The following ERBB4 variants were observed in gnomAD, a reference collection of about 807,000 sequenced individuals.
ERBB4 encodes the protein receptor tyrosine-protein kinase erbB-4.
ERBB4 carries 42 observed loss-of-function variants against 158.0 expected under a neutral mutation model. The ratio of observed to expected loss-of-function variants is 0.27; its 90% CI spans 0.21 to 0.34. The LOEUF (loss-of-function observed/expected upper bound fraction) is 0.34. Ranked by LOEUF, ERBB4 falls within the 10% of genes least tolerant of loss-of-function variation. ERBB4 has a pLI of 1.00. For missense variants in ERBB4, 1,333 were observed against 1,624.1 expected, an observed-to-expected ratio of 0.82 and a Z score of 3.08; for synonymous variants, 583 against 558.7, an observed-to-expected ratio of 1.04 and a Z score of -0.61.
chr2:211,998,193 A>T (rs925995162), intron 2 of ERBB4, among the ~76,000 whole-genome samples: 3 of 152,024 alleles, frequency 2.0e-5, no homozygotes, highest in Admixed American at 6.6e-5. Context: ...TAATAAAAAA[A>T]ATGAAACCAC....
At chr2:212,050,498 C>T (rs1424798422) in intron 2 of ERBB4, among the ~76,000 whole-genome samples, 1 of 152,106 alleles carries the variant, frequency 6.6e-6, no homozygotes, top group Non-Finnish European at 1.5e-5. Context: ...TTCTCCTCTT[C>T]CTCTTATTTA....
intron 2 of ERBB4, among the ~76,000 whole-genome samples, chr2:212,070,886 A>G (rs1182150937): frequency 6.6e-6 from 1 of 151,946 alleles, no homozygotes; most frequent in Non-Finnish European, 1.5e-5. Context: ...TAATGTAAGC[A>G]TATCTGAAAT....
At chr2:211,476,727 T>C (rs1420625471) in intron 20 of ERBB4, among the ~76,000 whole-genome samples, 3 of 152,044 alleles carry the variant, frequency 2.0e-5, no homozygotes, top group Non-Finnish European at 4.4e-5. Context: ...ACTATAAACT[T>C]GTTTTGCAAA....
intron 1 of ERBB4, among the ~76,000 whole-genome samples, chr2:212,164,086 G>A (rs989633128): frequency 6.6e-6 from 1 of 152,006 alleles, no homozygotes; most frequent in East Asian, 1.9e-4. Flanking sequence ...ATAGGTGTGA[G>A]CCATCTTGCC....
At chr2:211,730,074 A>T (rs1236554239) in intron 5 of ERBB4, among the ~76,000 whole-genome samples, 1 of 151,966 alleles carries the variant, frequency 6.6e-6, no homozygotes, top group Non-Finnish European at 1.5e-5. Context: ...AATACTACTG[A>T]GAGAATGTCT....
chr2:212,425,768 T>C (rs1574896574), intron 1 of ERBB4, among the ~76,000 whole-genome samples: 2 of 151,976 alleles, frequency 1.3e-5, no homozygotes, highest in South Asian at 2.1e-4. Flanking sequence ...TTTAAATCAC[T>C]GTCCTTGCTT....
In ERBB4 at chr2:212,384,242, T is replaced by C. The variant is rs1017462771; in HGVS notation, c.82+154207A>G. ...AGAACAATTTAAGGACAGATTGAGT[T>C]ACAGTATTATTGTAACACCTCATCA... On this transcript the variant is annotated intron_variant, in intron 1 of 27. Coordinates refer to ENST00000342788, the MANE Select transcript of ERBB4 (RefSeq NM_005235.3). Among the ~76,000 whole-genome samples the C allele has an allele frequency of 2.0e-5, 3 of 151,672 alleles. No homozygotes were observed. The East Asian group carries it at 5.8e-4, about 29-fold the overall frequency.
At chr2:211,917,793 G>T (rs2079741270) in intron 3 of ERBB4, among the ~76,000 whole-genome samples, 1 of 152,174 alleles carries the variant, frequency 6.6e-6, no homozygotes, top group Admixed American at 6.5e-5. Flanking sequence ...GCACTGATGG[G>T]TTTTGCCTGA....
At chr2:212,456,973 T>C (rs929826790) in intron 1 of ERBB4, among the ~76,000 whole-genome samples, 1 of 151,998 alleles carries the variant, frequency 6.6e-6, no homozygotes, top group Non-Finnish European at 1.5e-5. Flanking sequence ...CCCCAAAGTC[T>C]GCACAGCTCA....
intron 1 of ERBB4, among the ~76,000 whole-genome samples, chr2:212,455,972 T>C (rs1448560528): frequency 2.0e-5 from 3 of 152,118 alleles, no homozygotes; most frequent in African/African-American, 7.2e-5. Flanking sequence ...TAATGGCTTC[T>C]TCCCCCAGCT....
intron 2 of ERBB4, among the ~76,000 whole-genome samples, chr2:212,025,414 A>T (rs965154842): frequency 6.6e-6 from 1 of 151,826 alleles, no homozygotes. Flanking sequence ...ATTCATATTT[A>T]TGATGGAATT....
chr2:211,544,369 A>C (rs1344058969), intron 20 of ERBB4, among the ~76,000 whole-genome samples: 4 of 152,052 alleles, frequency 2.6e-5, no homozygotes, highest in Admixed American at 2.6e-4. Flanking sequence ...TAAGGCAAAA[A>C]ATCAATTAGG....
intron 1 of ERBB4, among the ~76,000 whole-genome samples, chr2:212,240,430 A>G (rs1345058684): frequency 1.3e-5 from 2 of 151,992 alleles, no homozygotes; most frequent in African/African-American, 4.8e-5. Flanking sequence ...GCGTATCACG[A>G]GACCAGCCTG....
chr2:212,175,247 G>T (rs1056164279), intron 1 of ERBB4, among the ~76,000 whole-genome samples: 7 of 152,030 alleles, frequency 4.6e-5, no homozygotes, highest in Non-Finnish European at 8.8e-5. Flanking sequence ...TAAAAAGCAG[G>T]CAATAAATGT....
intron 16 of ERBB4, among the ~76,000 whole-genome samples, chr2:211,638,079 C>T (rs1187160049): frequency 2.0e-5 from 3 of 151,712 alleles, no homozygotes; most frequent in South Asian, 2.1e-4. Flanking sequence ...CCTTTATATC[C>T]TTGGGTGTAA....
At chr2:211,615,306 A>G (rs1374336668) in intron 19 of ERBB4, among the ~76,000 whole-genome samples, 1 of 151,780 alleles carries the variant, frequency 6.6e-6, no homozygotes. Flanking sequence ...TTTCTTATGT[A>G]TGTGTTCTGC....
chr2:212,238,857 T>C (rs1016339766), intron 1 of ERBB4, among the ~76,000 whole-genome samples: 12 of 152,220 alleles, frequency 7.9e-5, no homozygotes, highest in African/African-American at 2.6e-4. Context: ...TCAAATATAA[T>C]GGCTTAAAGA....
chr2:212,270,595 A>G (rs1044190332), intron 1 of ERBB4, among the ~76,000 whole-genome samples: 1 of 151,782 alleles, frequency 6.6e-6, no homozygotes, highest in Admixed American at 6.6e-5. Context: ...CAGAAACGAC[A>G]CTATGCCACT....
At chr2:212,359,193 C>T (rs186765654) in intron 1 of ERBB4, among the ~76,000 whole-genome samples, 2 of 151,446 alleles carry the variant, frequency 1.3e-5, no homozygotes, top group East Asian at 1.9e-4. Context: ...TTATTAAATA[C>T]TATTGTATAT....
Sources: allele counts gnomAD v4.1 joint callset (sites outside exome capture counted in the v4.1 genomes callset), GRCh38; gene constraint gnomAD v4.1.1; transcripts MANE v1.5; gene names NCBI Gene and HGNC (gene_info 2026-07-23, HGNC 2026-07-21).